SFT2D1: variants seen among roughly 807,000 people sequenced by gnomAD.
SFT2D1 encodes the protein vesicle transport protein SFT2A.
SFT2D1 carries 24 observed loss-of-function variants against 28.1 expected under a neutral mutation model. That is an observed-to-expected ratio of 0.85 (90% CI 0.62 to 1.20). The LOEUF (loss-of-function observed/expected upper bound fraction) is 1.20, where lower values mean the gene tolerates loss of function less well. Among genes scored for constraint, SFT2D1 ranks in the 50% most tolerant of loss-of-function variants. The pLI is 0.00. For missense variants in SFT2D1, 181 were observed against 190.9 expected, an observed-to-expected ratio of 0.95 and a Z score of 0.31; for synonymous variants, 82 against 73.7, an observed-to-expected ratio of 1.11 and a Z score of -0.58.
intron 1 of SFT2D1, among the ~76,000 whole-genome samples, chr6:166,337,724 G>A (rs1004836882): frequency 2.7e-4 from 41 of 152,136 alleles, no homozygotes; most frequent in African/African-American, 9.4e-4. Context: ...TCTTCCACGC[G>A]GTGATCTTTG....
intron 5 of SFT2D1, chr6:166,324,837 T>A: frequency 2.0e-6 from 1 of 495,244 alleles, no homozygotes; most frequent in Non-Finnish European, 3.6e-6. Context: ...TAAATAAACG[T>A]TACTGAAACA....
Position 166,326,227 on chromosome 6 carries a change from T to C in SFT2D1, c.316-60A>G, listed in dbSNP as rs1319283452. 4.9e-6 allele frequency: 7 copies of C among 1,422,350 alleles called. No homozygotes were observed. The East Asian group carries it at 9.3e-5, about 19-fold the overall frequency. 88.1% of individuals were successfully genotyped at this position (1,422,350 alleles called of 1,614,324 possible). ...GATCCTTTCAAAAGCCTAATAAAAATGCATAAACTATTCTGCATTCATTTA... is the reference window on the plus strand; with the variant it reads ...GATCCTTTCAAAAGCCTAATAAAAACGCATAAACTATTCTGCATTCATTTA... On this transcript the variant is annotated intron_variant, in intron 4 of 7. Transcript: ENST00000361731.
At chr6:166,337,002 C>A (rs190264158) in intron 1 of SFT2D1, among the ~76,000 whole-genome samples, 1 of 152,210 alleles carries the variant, frequency 6.6e-6, no homozygotes, top group Admixed American at 6.5e-5. Flanking sequence ...ATTCAGACCA[C>A]AGCACTGTGA....
At chr6:166,329,936 T>C (rs561353559) in intron 2 of SFT2D1, among the ~76,000 whole-genome samples, 94 of 152,314 alleles carry the variant, frequency 6.2e-4, no homozygotes, top group Non-Finnish European at 1.0e-3. Flanking sequence ...TTTTAACACA[T>C]TGATACATTT....
intron 4 of SFT2D1, among the ~76,000 whole-genome samples, chr6:166,327,801 A>AT (rs111372481): frequency 0.044 from 6,713 of 151,900 alleles, 503 homozygotes; most frequent in African/African-American, 0.15. Context: ...CATAGGATAT[A>AT]TTTTTTTTTT....
chr6:166,321,826 A>G (rs1778364049), intron 7 of SFT2D1, among the ~76,000 whole-genome samples: 1 of 152,224 alleles, frequency 6.6e-6, no homozygotes, highest in Non-Finnish European at 1.5e-5. Flanking sequence ...TTGACATACA[A>G]TTAAAATGTT....
At chr6:166,331,873 T>A (rs1219420569) in intron 1 of SFT2D1, among the ~76,000 whole-genome samples, 1 of 152,232 alleles carries the variant, frequency 6.6e-6, no homozygotes, top group Non-Finnish European at 1.5e-5. Context: ...GAGGATTTAG[T>A]GAGAGGAAAA....
intron 1 of SFT2D1, 55 bp downstream of exon 1, chr6:166,342,364 T>G: frequency 6.6e-7 from 1 of 1,509,040 alleles, no homozygotes; most frequent in South Asian, 1.2e-5. Context: ...CGGTCCTCAG[T>G]GCGGCCGGGG....
Position 166,320,334 on chromosome 6 carries a change from C to T in SFT2D1, c.441-78G>A, listed in dbSNP as rs181396070. On this transcript the variant is annotated intron_variant, in intron 7 of 7. Transcript: ENST00000361731. ...GTTGCGCAAAATGTTCCTGCTAAAT[C>T]ACCTTTTTTAACAGAACTCAATGGA... 2.8e-5 allele frequency: 34 copies of T among 1,223,878 alleles called. No homozygotes were observed. In the East Asian group the frequency reaches 7.6e-4, roughly 27 times the overall value. The allele number at this position is 1,223,878 out of a possible 1,614,324, so 75.8% of individuals were successfully genotyped here.
chr6:166,329,515 C>A lies in SFT2D1; in HGVS notation c.225G>T (p.Ala75=). The A allele has an allele frequency of 6.2e-7, 1 of 1,607,142 alleles. No homozygotes were observed. Among genetic ancestry groups the A allele is most frequent in the Non-Finnish European group, 8.5e-7 (1 of 1,175,292 alleles). The change falls in exon 3 of 8, where the codon GCG becomes GCT. Residue 75 remains alanine (A), a synonymous_variant. Transcript: ENST00000361731. ...TGAGAAGCCAAACGTACCTGGCTAA[C>A]GCAGCAAGATTGCCGAGGGTATAAA... ...AVFYTLGNLA[A]LASTCFLMGP...
chr6:166,324,418 G>T, intron 6 of SFT2D1, 119 bp downstream of exon 6: 2 of 891,842 alleles, frequency 2.2e-6, no homozygotes, highest in Non-Finnish European at 3.5e-6. Context: ...CTCTGACCCT[G>T]CAGGGCCTGT....
chr6:166,335,450 G>C (rs1299090313), intron 1 of SFT2D1: 1 of 549,424 alleles, frequency 1.8e-6, no homozygotes, highest in Admixed American at 1.9e-5. Context: ...CCCTTATGGT[G>C]GTGGAGAACA....
At chr6:166,327,287 T>C (rs1778463413) in intron 4 of SFT2D1, among the ~76,000 whole-genome samples, 1 of 152,124 alleles carries the variant, frequency 6.6e-6, no homozygotes, top group East Asian at 1.9e-4. Flanking sequence ...AGAGGCAGGA[T>C]GCAGAAGAGA....
At chr6:166,326,804 ATG>A (rs1778452344) in intron 4 of SFT2D1, among the ~76,000 whole-genome samples, 2 of 152,340 alleles carry the variant, frequency 1.3e-5, no homozygotes, top group South Asian at 4.1e-4. Flanking sequence ...TTCTCTCAAC[ATG>A]TGTGTTTTTG....
At chr6:166,339,461 C>T (rs960213422) in intron 1 of SFT2D1, among the ~76,000 whole-genome samples, 3 of 152,152 alleles carry the variant, frequency 2.0e-5, no homozygotes, top group Admixed American at 1.3e-4. Context: ...ATGACATGTT[C>T]CCCGACCCCA....
At chr6:166,341,642 A>C (rs998661980) in intron 1 of SFT2D1, among the ~76,000 whole-genome samples, 16 of 152,246 alleles carry the variant, frequency 1.1e-4, no homozygotes, top group Non-Finnish European at 1.5e-4. Context: ...GATCCTTATG[A>C]AATACAATTC....
At chr6:166,334,947 T>C in intron 1 of SFT2D1, 1 of 462,906 alleles carries the variant, frequency 2.2e-6, no homozygotes, top group Non-Finnish European at 4.1e-6. Flanking sequence ...CTAAGAGATC[T>C]TGAACAGTAT....
At position 166,322,868 on chromosome 6, in the gene SFT2D1, G is replaced by A. The variant is rs1291412662; in HGVS notation, c.429C>T (p.Ile143=). Reference sequence around the variant, plus strand: ...TCAAACAAGCTTACCTTGCATATGGGATGTACGACAGGCTATACCTGCAAG... The same window carrying A: ...TCAAACAAGCTTACCTTGCATATGGAATGTACGACAGGCTATACCTGCAAG... The part of the protein sequence containing the change: ...LSMTWYSLSY[I]PYARDAVIKC... The change falls in exon 7 of 8, where the codon ATC becomes ATT. Residue 143 remains isoleucine (I), a synonymous_variant. Transcript: ENST00000361731. The A allele has an allele frequency of 1.2e-6, 2 of 1,611,692 alleles. No individual in the cohort carries two copies. The highest frequency in any genetic ancestry group is 1.7e-6 in the Non-Finnish European group (2 of 1,178,264).
intron 1 of SFT2D1, among the ~76,000 whole-genome samples, chr6:166,336,762 G>T (rs1006472016): frequency 2.6e-5 from 4 of 152,176 alleles, no homozygotes; most frequent in Non-Finnish European, 5.9e-5. Flanking sequence ...TAGAAGCGGG[G>T]TCTCGCCATG....
Sources: gnomAD v4.1 joint callset for allele counts (sites outside exome capture counted in the v4.1 genomes callset) on GRCh38, gnomAD v4.1.1 for gene constraint, MANE v1.5 for transcripts, NCBI Gene and HGNC (gene_info 2026-07-23, HGNC 2026-07-21) for gene names.